SCFD2: variants seen among roughly 807,000 people sequenced by gnomAD.
SCFD2 encodes sec1 family domain containing 2.
SCFD2 carries 54 observed loss-of-function variants against 58.9 expected under a neutral mutation model. That is an observed-to-expected ratio of 0.92 (90% CI 0.74 to 1.15). The LOEUF is 1.15. Ranked by LOEUF, SCFD2 falls within the 50% of genes most tolerant of loss-of-function variation. SCFD2 has a pLI of 0.00. For synonymous variants in SCFD2, 321 were observed against 335.9 expected (o/e 0.96, Z 0.49); for missense variants, 805 against 836.6 (o/e 0.96, Z 0.47).
chr4:53,200,328 T>G (rs1177856346), intron 4 of SCFD2, among the ~76,000 whole-genome samples: 2 of 152,060 alleles, frequency 1.3e-5, no homozygotes, highest in Admixed American at 6.6e-5. Context: ...CCTCTCCTAT[T>G]CTTTTTCCCA....
chr4:52,973,090 A>T (rs1159821434), intron 5 of SCFD2, among the ~76,000 whole-genome samples: 1 of 152,220 alleles, frequency 6.6e-6, no homozygotes, highest in Admixed American at 6.5e-5. Context: ...TGACACCCTA[A>T]CATCACAATT....
At position 53,365,538 on chromosome 4, in the gene SCFD2, T is replaced by C. The variant is rs1734672877; in HGVS notation, c.404A>G (p.Gln135Arg). Residue 135 changes from glutamine to arginine, a missense_variant, in exon 1 of 9, where the codon CAG becomes CGG. Physicochemically the swap from Gln to Arg is conservative, Grantham distance 43. This residue lies in a region of SCFD2 where 17 missense variants were observed against 40.1 expected (regional missense o/e 0.42). Transcript: ENST00000401642. This position sits in a 1 kb window ranked among gnomAD's most constrained non-coding sequence, Gnocchi z 4.3. ...EMEGQQPVFE[Q>R]LEEKLCEWMG... ...CCATTCACACAGCTTCTCCTCCAGC[T>C]GCTCGAACACCGGCTGCTGCCCCTC... 6.2e-7 allele frequency: 1 copy of C among 1,614,074 alleles called. No individual in the cohort carries two copies. The highest frequency in any genetic ancestry group is 8.5e-7 in the Non-Finnish European group (1 of 1,180,034).
At chr4:53,245,938 A>G (rs1202870779) in intron 4 of SCFD2, among the ~76,000 whole-genome samples, 2 of 152,220 alleles carry the variant, frequency 1.3e-5, no homozygotes, top group Non-Finnish European at 2.9e-5. Flanking sequence ...ACATAATCCT[A>G]TATCTAGAAA....
intron 3 of SCFD2, among the ~76,000 whole-genome samples, chr4:53,278,132 C>G (rs1731389864): frequency 6.6e-6 from 1 of 151,990 alleles, no homozygotes; most frequent in African/African-American, 2.4e-5. Flanking sequence ...TTTTGGAGGC[C>G]GAGGTGGGTG....
chr4:52,953,475 A>G (rs774731115), intron 5 of SCFD2, among the ~76,000 whole-genome samples: 1 of 152,192 alleles, frequency 6.6e-6, no homozygotes, highest in Non-Finnish European at 1.5e-5. Flanking sequence ...CGATCTAGGA[A>G]TAAAGAAACA....
chr4:53,174,702 G>A lies in SCFD2; in HGVS notation c.1312-29120C>T, dbSNP rs532674768. On this transcript the variant is annotated intron_variant, in intron 4 of 8. Transcript: ENST00000401642. The stretch of plus-strand genomic sequence containing the variant: ...ACTTACATTAATGAAATCTGTAATT[G>A]GCTTATTTCCTCATTTGTTAGAGTC... 2.6e-5 allele frequency among the ~76,000 whole-genome samples: 4 copies of A among 152,218 alleles called. No homozygotes were observed. The South Asian group carries it at 8.3e-4, about 32-fold the overall frequency.
chr4:53,043,965 A>T (rs1459362091), intron 5 of SCFD2, among the ~76,000 whole-genome samples: 1 of 152,160 alleles, frequency 6.6e-6, no homozygotes, highest in Non-Finnish European at 1.5e-5. Flanking sequence ...ACGCTGTGGT[A>T]GCCCCGGAGT....
intron 5 of SCFD2, among the ~76,000 whole-genome samples, chr4:52,955,332 A>G (rs1250183201): frequency 6.6e-6 from 1 of 152,202 alleles, no homozygotes; most frequent in African/African-American, 2.4e-5. Context: ...CCCATTTCCC[A>G]GAAGAAAGAG....
chr4:53,099,040 G>T (rs1011159701), intron 5 of SCFD2, among the ~76,000 whole-genome samples: 1 of 152,110 alleles, frequency 6.6e-6, no homozygotes, highest in African/African-American at 2.4e-5. Flanking sequence ...TGTCTGCTTT[G>T]TTCACTGGTA....
chr4:53,160,569 T>C (rs9312637), intron 4 of SCFD2, among the ~76,000 whole-genome samples: 13,930 of 151,954 alleles, frequency 0.092, 1,029 homozygotes, highest in South Asian at 0.22. Flanking sequence ...GAGGACAGAA[T>C]TGGTGTAAAA....
chr4:53,244,043 TA>T (rs1305151668), intron 4 of SCFD2, among the ~76,000 whole-genome samples: 2 of 152,156 alleles, frequency 1.3e-5, no homozygotes, highest in East Asian at 3.8e-4. Flanking sequence ...AAAATCTACC[TA>T]TCCTAAATGT....
chr4:52,984,115 C>G (rs945114118), intron 5 of SCFD2, among the ~76,000 whole-genome samples: 2 of 152,228 alleles, frequency 1.3e-5, no homozygotes, highest in Non-Finnish European at 2.9e-5. Context: ...AAAAGCATCT[C>G]AAGCCTACTC....
At chr4:52,952,256 C>T (rs1288451099) in intron 5 of SCFD2, among the ~76,000 whole-genome samples, 1 of 122,968 alleles carries the variant, frequency 8.1e-6, no homozygotes, top group African/African-American at 2.7e-5. Flanking sequence ...CATCCCCTCT[C>T]ACACCCCCAT....
intron 8 of SCFD2, among the ~76,000 whole-genome samples, chr4:52,882,520 A>C (rs561026891): frequency 6.6e-6 from 1 of 152,256 alleles, no homozygotes; most frequent in African/African-American, 2.4e-5. Context: ...GAGTCAGTGG[A>C]CTGGGAAAGG....
Position 53,217,092 on chromosome 4 carries a change from C to T in SCFD2, c.1311+56734G>A, listed in dbSNP as rs530818823. Among the ~76,000 whole-genome samples, 15 of 152,158 alleles carry T rather than the reference C, an allele frequency of 9.9e-5. No homozygotes were observed. The South Asian group carries it at 1.5e-3, about 15-fold the overall frequency. Reference sequence around the variant, plus strand: ...TATGTGGTCAATTTTGGAATAAGTGCGATGTGGTGCTGAGAAGAATGTATA... The same window carrying T: ...TATGTGGTCAATTTTGGAATAAGTGTGATGTGGTGCTGAGAAGAATGTATA... On this transcript the variant is annotated intron_variant, in intron 4 of 8. Coordinates refer to ENST00000401642, the MANE Select transcript of SCFD2 (RefSeq NM_152540.4).
intron 5 of SCFD2, among the ~76,000 whole-genome samples, chr4:52,992,448 C>T (rs1721633997): frequency 6.6e-6 from 1 of 152,216 alleles, no homozygotes; most frequent in Non-Finnish European, 1.5e-5. Context: ...CGGGCCGCCA[C>T]CCCGTCTGGG....
chr4:53,339,652 C>T (rs1733801204), intron 2 of SCFD2, among the ~76,000 whole-genome samples: 1 of 152,026 alleles, frequency 6.6e-6, no homozygotes, highest in South Asian at 2.1e-4. Flanking sequence ...CACCTGTAGT[C>T]CCAGCTACTC....
intron 7 of SCFD2, among the ~76,000 whole-genome samples, chr4:52,896,681 T>A (rs935670427): frequency 2.6e-5 from 4 of 152,244 alleles, no homozygotes; most frequent in African/African-American, 9.6e-5. Context: ...AAAGTAGTTT[T>A]TTCCAATTCT....
In SCFD2 at chr4:52,899,133, C is replaced by T. The variant is rs553402480; in HGVS notation, c.1842+8324G>A. ...GCCAGTCTGTACCTTTTAATTGGAGCATGTAGCCCATTTACATTTAAGGTT... is the reference window on the plus strand; with the variant it reads ...GCCAGTCTGTACCTTTTAATTGGAGTATGTAGCCCATTTACATTTAAGGTT... On this transcript the variant is annotated intron_variant, in intron 7 of 8. Transcript: ENST00000401642. 3.5e-4 allele frequency among the ~76,000 whole-genome samples: 54 copies of T among 152,298 alleles called. No homozygotes were observed. The South Asian group carries it at 0.011, about 30-fold the overall frequency.
Sources: gnomAD v4.1 joint callset for allele counts (sites outside exome capture counted in the v4.1 genomes callset) on GRCh38, gnomAD v4.1.1 for gene constraint, gnomAD v4.1.1 regional missense constraint, Gnocchi (gnomAD v3.1) non-coding constraint, MANE v1.5 for transcripts, NCBI Gene and HGNC (gene_info 2026-07-23, HGNC 2026-07-21) for gene names.